TLL1: variants seen among roughly 807,000 people sequenced by gnomAD.
TLL1 encodes the protein tolloid like 1, also known as tolloid-like protein 1.
Under a neutral mutation model 128.2 loss-of-function variants are expected in TLL1, and 49 were observed. The ratio of observed to expected loss-of-function variants is 0.38; its 90% CI spans 0.30 to 0.48. TLL1 has a LOEUF of 0.48. Among genes scored for constraint, TLL1 ranks in the 20% least tolerant of loss-of-function variants. The pLI is 0.96. For missense variants in TLL1, 1,123 were observed against 1,242.0 expected (o/e 0.90, Z 1.44); for synonymous variants, 454 against 418.8 (o/e 1.08, Z -1.03).
rs774121797 is a variant in TLL1 at position 166,014,468 on chromosome 4, G to A, written c.950G>A (p.Arg317His). 4.1e-5 allele frequency: 66 copies of A among 1,612,062 alleles called. No individual in the cohort carries two copies. The highest frequency in any genetic ancestry group is 1.2e-4 in the South Asian group (11 of 91,062). The part of the protein sequence containing the change: ...GMFLDTILPS[R>H]DDNGIRPAIG... ...TTTCTGGATACCATTCTCCCCTCCC[G>A]TGATGATAATGGCATACGTCCTGCA... The change falls in exon 8 of 21, where the codon CGT (arginine) becomes CAT (histidine). Residue 317 changes from arginine to histidine, a missense_variant. Physicochemically the swap from Arg to His is conservative, Grantham distance 29. Transcript: ENST00000061240.
intron 1 of TLL1, among the ~76,000 whole-genome samples, chr4:165,878,134 C>T (rs541190395): frequency 2.7e-4 from 41 of 152,254 alleles, no homozygotes; most frequent in African/African-American, 9.1e-4. Context: ...TTCTAGGTAA[C>T]ATTGCCTCAT....
At chr4:165,989,843 C>T (rs907716791) in intron 2 of TLL1, among the ~76,000 whole-genome samples, 1 of 151,580 alleles carries the variant, frequency 6.6e-6, no homozygotes, top group African/African-American at 2.4e-5. Context: ...GCTTTCTTAT[C>T]GTCACATCAT....
chr4:165,894,361 G>A (rs1731566179), intron 1 of TLL1, among the ~76,000 whole-genome samples: 1 of 152,150 alleles, frequency 6.6e-6, no homozygotes, highest in African/African-American at 2.4e-5. Context: ...TACTCATGGA[G>A]AATAAGAATG....
At chr4:165,950,368 G>A (rs1179862825) in intron 1 of TLL1, among the ~76,000 whole-genome samples, 2 of 152,002 alleles carry the variant, frequency 1.3e-5, no homozygotes, top group African/African-American at 4.8e-5. Context: ...AGAACAAATA[G>A]GCGATAAATG....
At chr4:165,919,393 A>C (rs1732929409) in intron 1 of TLL1, among the ~76,000 whole-genome samples, 1 of 151,704 alleles carries the variant, frequency 6.6e-6, no homozygotes, top group Non-Finnish European at 1.5e-5. Flanking sequence ...AAAAAAAAAA[A>C]AAAAAAAGAA....
In TLL1 at chr4:165,873,740, T is replaced by A. The variant is rs1429336246; in HGVS notation, c.-165T>A. ...CAGGCAGTGCTTGCCCTCTCTACTG[T>A]CCCGGCGGCATCCACATGTTTCCGG... is the stretch of plus-strand genomic sequence containing the variant. On this transcript the variant is annotated 5_prime_UTR_variant, in exon 1 of 21. Transcript: ENST00000061240. The A allele has an allele frequency of 5.9e-6, 4 of 683,208 alleles. No individual in the cohort carries two copies. Among genetic ancestry groups the A allele is most frequent in the Non-Finnish European group, 7.6e-6 (3 of 397,192 alleles). 42.3% of individuals were successfully genotyped at this position (683,208 alleles called of 1,614,324 possible).
chr4:166,007,900 C>A, intron 6 of TLL1, 43 bp from the exon 7 acceptor site: 3 of 1,294,638 alleles, frequency 2.3e-6, no homozygotes, highest in South Asian at 2.4e-5. Context: ...TATTTTCTGT[C>A]AGTTAAAAGG....
At chr4:166,082,986 A>G (rs2111147736) in intron 18 of TLL1, among the ~76,000 whole-genome samples, 1 of 152,260 alleles carries the variant, frequency 6.6e-6, no homozygotes. Flanking sequence ...TAGGTGGAAG[A>G]ATTTCAACCA....
chr4:165,959,233 T>C (rs2110955848), intron 1 of TLL1, among the ~76,000 whole-genome samples: 1 of 152,238 alleles, frequency 6.6e-6, no homozygotes, highest in Non-Finnish European at 1.5e-5. Flanking sequence ...AAGTAGTTTT[T>C]TCCAATTCTG....
chr4:165,939,780 G>A (rs1561041912), intron 1 of TLL1, among the ~76,000 whole-genome samples: 1 of 151,886 alleles, frequency 6.6e-6, no homozygotes, highest in Admixed American at 6.6e-5. Context: ...ATTGCTTAAG[G>A]GAAGTTTTTG....
chr4:165,913,569 C>T (rs546487089), intron 1 of TLL1, among the ~76,000 whole-genome samples: 1 of 152,304 alleles, frequency 6.6e-6, no homozygotes, highest in East Asian at 1.9e-4. Context: ...TATCACTGAG[C>T]CTTTCCATTC....
chr4:165,929,390 G>C (rs78876690), intron 1 of TLL1, among the ~76,000 whole-genome samples: 5,820 of 152,158 alleles, frequency 0.038, 362 homozygotes, highest in African/African-American at 0.13. Context: ...TACAAAGAAA[G>C]TAGCCGGGTG....
At chr4:166,030,898 G>A in intron 9 of TLL1, 1 of 984,422 alleles carries the variant, frequency 1.0e-6, no homozygotes, top group Non-Finnish European at 1.2e-6. Flanking sequence ...TAAAACTATA[G>A]TTTCACTGGA....
chr4:166,079,963 C>T (rs1175040939), intron 18 of TLL1, among the ~76,000 whole-genome samples: 2 of 152,128 alleles, frequency 1.3e-5, no homozygotes, highest in Non-Finnish European at 2.9e-5. Context: ...TCTCTATTAC[C>T]ATGTTCTTTA....
intron 12 of TLL1, among the ~76,000 whole-genome samples, chr4:166,048,577 C>G (rs1301204368): frequency 6.6e-6 from 1 of 152,084 alleles, no homozygotes; most frequent in Non-Finnish European, 1.5e-5. Flanking sequence ...CTCTATTTAG[C>G]AGCAGAGTCA....
chr4:166,027,015 A>G (rs1027827539), intron 9 of TLL1, among the ~76,000 whole-genome samples: 1 of 152,210 alleles, frequency 6.6e-6, no homozygotes, highest in African/African-American at 2.4e-5. Context: ...TGGATGGGAT[A>G]AAGAAAATGT....
intron 1 of TLL1, among the ~76,000 whole-genome samples, chr4:165,891,143 G>A (rs1218594045): frequency 6.6e-6 from 1 of 152,134 alleles, no homozygotes. Flanking sequence ...GACGCACAGA[G>A]CAGGAAGACC....
At position 166,088,682 on chromosome 4, in the gene TLL1, G is replaced by C. The variant is rs116180734; in HGVS notation, c.2443-2446G>C. Among the ~76,000 whole-genome samples the C allele has an allele frequency of 1.5e-3, 230 of 152,210 alleles. 2 individuals are homozygous for C. Among genetic ancestry groups the C allele is most frequent in the African/African-American group, 5.3e-3 (222 of 41,562 alleles). ...GTCTGCATTACTAGAGTATATGTCA[G>C]CTATGGAACCTTTGACTAATATGAC... On this transcript the variant is annotated intron_variant, in intron 18 of 20. Coordinates refer to ENST00000061240, the MANE Select transcript of TLL1 (RefSeq NM_012464.5).
At chr4:165,997,160 T>C (rs1354871839) in intron 5 of TLL1, among the ~76,000 whole-genome samples, 1 of 152,162 alleles carries the variant, frequency 6.6e-6, no homozygotes, top group Admixed American at 6.5e-5. Context: ...ATGATGATTT[T>C]TCTATGATAA....
Sources: gnomAD v4.1 joint callset for allele counts (sites outside exome capture counted in the v4.1 genomes callset) on GRCh38, gnomAD v4.1.1 for gene constraint, MANE v1.5 for transcripts, NCBI Gene and HGNC (gene_info 2026-07-23, HGNC 2026-07-21) for gene names.